Variants in PNO1 observed in about 807,000 individuals in gnomAD.
The protein encoded by PNO1 is partner of NOB1 homolog, also known as RNA-binding protein PNO1.
PNO1 carries 16 observed loss-of-function variants against 28.4 expected under a neutral mutation model. That is an observed-to-expected ratio of 0.56 (90% CI 0.38 to 0.85). The LOEUF (loss-of-function observed/expected upper bound fraction) is 0.85, where lower values mean the gene tolerates loss of function less well. Among genes scored for constraint, PNO1 ranks in the 40% least tolerant of loss-of-function variants. The probability of loss-of-function intolerance (pLI) is 0.00; values close to 1 mark genes in which losing one functional copy is unlikely to be tolerated. For missense variants in PNO1, 304 were observed against 312.2 expected (o/e 0.97, Z 0.20); for synonymous variants, 115 against 110.8 (o/e 1.04, Z -0.24).
intron 2 of PNO1, chr2:68,161,258 T>A (rs1673820965): frequency 6.4e-6 from 3 of 471,406 alleles, no homozygotes; most frequent in South Asian, 4.6e-5. Flanking sequence ...TTAAGAAACA[T>A]CAGCATATAA....
At chr2:68,169,038 C>T (rs901104471) in intron 5 of PNO1, among the ~76,000 whole-genome samples, 1 of 148,852 alleles carries the variant, frequency 6.7e-6, no homozygotes, top group African/African-American at 2.5e-5. Flanking sequence ...AATGGATTCT[C>T]CTGCCTCAGC....
rs1176758210 is a variant in PNO1, at chr2:68,176,067, A to C, written c.*1265A>C. ...TTGAAAAATAATAGTAAGAACCATC[A>C]TAAGTCTGTTTCTTCTAGTAAAGGT... On this transcript the variant is annotated 3_prime_UTR_variant, in exon 7 of 7. Coordinates refer to ENST00000263657, the MANE Select transcript of PNO1 (RefSeq NM_020143.4). 6.6e-6 allele frequency: 1 copy of C among 152,232 alleles called. No individual in the cohort carries two copies. The highest frequency in any genetic ancestry group is 2.1e-4 in the South Asian group (1 of 4,834). The allele number at this position is 152,232 out of a possible 1,614,324, so 9.4% of individuals were successfully genotyped here. A position where few individuals can be genotyped will look rare whatever the true frequency, so the allele number is the denominator to read the frequency against.
At chr2:68,166,851 A>G (rs1674007939) in intron 5 of PNO1, among the ~76,000 whole-genome samples, 1 of 152,148 alleles carries the variant, frequency 6.6e-6, no homozygotes, top group African/African-American at 2.4e-5. Flanking sequence ...ACTCACCTCC[A>G]TCAAGTCGTC....
At position 68,175,010 on chromosome 2, in the gene PNO1, ATTGT is replaced by A. The variant is rs1237297012; in HGVS notation, c.*210_*213del. ...AGGATAATTTAAATATCAAAAATTG[ATTGT>A]TATACTTAACACATTAGGTATAATT... On this transcript the variant is annotated 3_prime_UTR_variant, in exon 7 of 7. Coordinates refer to ENST00000263657, the MANE Select transcript of PNO1 (RefSeq NM_020143.4). 11 of 398,314 alleles carry A rather than the reference ATTGT, an allele frequency of 2.8e-5. No individual in the cohort carries two copies. The South Asian group carries it at 4.3e-4, about 15-fold the overall frequency. 24.7% of individuals were successfully genotyped at this position (398,314 alleles called of 1,614,324 possible). A position where few individuals can be genotyped will look rare whatever the true frequency, so the allele number is the denominator to read the frequency against.
Position 68,175,650 on chromosome 2 carries a change from C to G in PNO1, c.*848C>G, listed in dbSNP as rs968380044. On this transcript the variant is annotated 3_prime_UTR_variant, in exon 7 of 7. Transcript: ENST00000263657. Reference sequence around the variant, plus strand: ...CATCAGTAAGAGCTCATCTTGGAACCTGTTTTGCAGTTTCTTGCAGTTTCA... The same window carrying G: ...CATCAGTAAGAGCTCATCTTGGAACGTGTTTTGCAGTTTCTTGCAGTTTCA... 1 of 65,302 alleles carries G rather than the reference C, an allele frequency of 1.5e-5. No individual in the cohort carries two copies. The highest frequency in any genetic ancestry group is 2.6e-5 in the Non-Finnish European group (1 of 39,130). 4.0% of individuals were successfully genotyped at this position (65,302 alleles called of 1,614,324 possible).
chr2:68,164,848 C>T (rs924047020), intron 5 of PNO1, among the ~76,000 whole-genome samples: 6 of 151,990 alleles, frequency 3.9e-5, no homozygotes, highest in Non-Finnish European at 5.9e-5. Flanking sequence ...TGCTCCTCAC[C>T]GTATGGTGGG....
At chr2:68,164,049 A>G (rs1234286044) in intron 5 of PNO1, among the ~76,000 whole-genome samples, 3 of 152,246 alleles carry the variant, frequency 2.0e-5, no homozygotes, top group African/African-American at 7.2e-5. Flanking sequence ...CTTTAAGGAT[A>G]ACTATACTAC....
At chr2:68,164,731 A>G (rs1410371077) in intron 5 of PNO1, among the ~76,000 whole-genome samples, 2 of 152,154 alleles carry the variant, frequency 1.3e-5, no homozygotes, top group Non-Finnish European at 2.9e-5. Context: ...AAGGATGTCA[A>G]GACCACAGTG....
intron 5 of PNO1, among the ~76,000 whole-genome samples, chr2:68,164,365 C>T (rs1431216391): frequency 6.6e-6 from 1 of 151,990 alleles, no homozygotes; most frequent in Non-Finnish European, 1.5e-5. Flanking sequence ...GCGGCCCACA[C>T]CTGTAGTCCC....
At chr2:68,168,954 A>T (rs1674060532) in intron 5 of PNO1, among the ~76,000 whole-genome samples, 1 of 99,624 alleles carries the variant, frequency 1.0e-5, no homozygotes, top group Non-Finnish European at 1.8e-5. Context: ...TTTGAGATGG[A>T]GTCTCCCTCT....
chr2:68,166,734 A>G (rs983767042), intron 5 of PNO1, among the ~76,000 whole-genome samples: 1 of 152,262 alleles, frequency 6.6e-6, no homozygotes, highest in South Asian at 2.1e-4. Flanking sequence ...CGTCAAAAGC[A>G]TCTTGAATAA....
In PNO1 at chr2:68,168,815, C is replaced by CT. The variant is rs984344007; in HGVS notation, c.621-4524dup. Among the ~76,000 whole-genome samples the CT allele has an allele frequency of 3.6e-4, 54 of 149,662 alleles. 1 individual carries two copies. In the South Asian group the frequency reaches 7.8e-3, roughly 22 times the overall value. ...GTGACAGCTTCATGAATTTCCTTTT[C>CT]TTTTTTTTACAATGGTCCTATGGTA... On this transcript the variant is annotated intron_variant, in intron 5 of 6. Transcript: ENST00000263657.
intron 5 of PNO1, among the ~76,000 whole-genome samples, chr2:68,167,828 A>G (rs556237316): frequency 3.3e-5 from 5 of 152,200 alleles, no homozygotes; most frequent in Non-Finnish European, 7.3e-5. Flanking sequence ...GCTGGCGTTA[A>G]GTTCTCCAGC....
At chr2:68,166,691 C>T (rs1182152989) in intron 5 of PNO1, among the ~76,000 whole-genome samples, 1 of 152,188 alleles carries the variant, frequency 6.6e-6, no homozygotes, top group African/African-American at 2.4e-5. Context: ...AGTTTCAGTG[C>T]CCACGTCATA....
rs1289519743 is a variant in PNO1, at chr2:68,173,435, C to T, written c.691+18C>T. ...AATCTTGGGTAATAGCAGTTTCTTT[C>T]TTTGGTGTTTTCTCTGGGAGGGATA... On this transcript the variant is annotated intron_variant, in intron 6 of 6. Coordinates refer to ENST00000263657, the MANE Select transcript of PNO1 (RefSeq NM_020143.4). The T allele has an allele frequency of 6.7e-7, 1 of 1,502,794 alleles. No homozygotes were observed. The highest frequency in any genetic ancestry group is 1.4e-5 in the African/African-American group (1 of 72,710). The allele number at this position is 1,502,794 out of a possible 1,614,324, so 93.1% of individuals were successfully genotyped here. A position where few individuals can be genotyped will look rare whatever the true frequency, so the allele number is the denominator to read the frequency against.
intron 5 of PNO1, among the ~76,000 whole-genome samples, chr2:68,165,383 CAAAA>C (rs70949677): frequency 2.2e-3 from 204 of 93,302 alleles, no homozygotes; most frequent in African/African-American, 8.2e-3. Context: ...AAAAAAACAA[CAAAA>C]AAAAAAAAAC....
In PNO1 at chr2:68,158,463, T is replaced by C. The variant is rs933255625; in HGVS notation, c.291T>C (p.Thr97=). 2 of 1,613,060 alleles carry C rather than the reference T, an allele frequency of 1.2e-6. No individual in the cohort carries two copies. The highest frequency in any genetic ancestry group is 1.7e-6 in the Non-Finnish European group (2 of 1,179,170). ...PLKENWMKIF[T]PIVEHLGLQI... ...AAGAAAACTGGATGAAGATATTTAC[T>C]CCTATTGTGGAACATTTGGGACTTC... The change falls in exon 2 of 7, where the codon ACT becomes ACC. Residue 97 remains threonine, a synonymous_variant. Transcript: ENST00000263657.
At chr2:68,168,575 T>A (rs1360457817) in intron 5 of PNO1, among the ~76,000 whole-genome samples, 1 of 152,198 alleles carries the variant, frequency 6.6e-6, no homozygotes, top group Non-Finnish European at 1.5e-5. Context: ...AAAAAAAATA[T>A]CCTGTGGCAA....
intron 5 of PNO1, among the ~76,000 whole-genome samples, chr2:68,166,913 T>C (rs1674010074): frequency 6.6e-6 from 1 of 152,216 alleles, no homozygotes; most frequent in Non-Finnish European, 1.5e-5. Flanking sequence ...TTCTCCGTGA[T>C]CCATATCTTG....
Sources: gnomAD v4.1 joint callset for allele counts (sites outside exome capture counted in the v4.1 genomes callset) on GRCh38, gnomAD v4.1.1 for gene constraint, MANE v1.5 for transcripts, NCBI Gene and HGNC (gene_info 2026-07-23, HGNC 2026-07-21) for gene names.